Variants in CATSPERE observed in about 807,000 individuals in gnomAD.
CATSPERE encodes the protein cation channel sperm-associated auxiliary subunit epsilon.
A neutral mutation model predicts 114.1 loss-of-function variants in CATSPERE; 93 were observed. The observed-to-expected ratio is 0.81, with a 90% CI of 0.69 to 0.97. The LOEUF (loss-of-function observed/expected upper bound fraction) is 0.97. CATSPERE is among the 50% of genes least tolerant of loss of function. CATSPERE has a pLI of 0.00. For missense variants in CATSPERE, 1,058 were observed against 1,131.6 expected (o/e 0.93, Z 0.93); for synonymous variants, 341 against 384.1 (o/e 0.89, Z 1.31).
chr1:244,557,720 A>G (rs1423927004), intron 9 of CATSPERE, among the ~76,000 whole-genome samples: 1 of 150,624 alleles, frequency 6.6e-6, no homozygotes, highest in Non-Finnish European at 1.5e-5. Flanking sequence ...GTCTTTCATT[A>G]ATCTTGGAAT....
At chr1:244,522,366 C>T (rs1677716109) in intron 8 of CATSPERE, among the ~76,000 whole-genome samples, 1 of 151,998 alleles carries the variant, frequency 6.6e-6, no homozygotes, top group African/African-American at 2.4e-5. Context: ...GCACTAAATG[C>T]CCACAAGAGA....
chr1:244,495,706 C>T (rs12410641), intron 6 of CATSPERE, among the ~76,000 whole-genome samples: 12,985 of 151,940 alleles, frequency 0.085, 972 homozygotes, highest in East Asian at 0.36. Flanking sequence ...GGCGACAGAG[C>T]GAGACTCCAT....
intron 7 of CATSPERE, among the ~76,000 whole-genome samples, chr1:244,507,857 T>C (rs1367765100): frequency 2.0e-5 from 3 of 152,234 alleles, no homozygotes; most frequent in African/African-American, 7.2e-5. Flanking sequence ...AATACCATGC[T>C]GTTTTGTTTA....
rs746347941 is a variant in CATSPERE, at chr1:244,479,719, TGAA to T, written c.268_270del (p.Glu90del). On this transcript the variant is annotated inframe_deletion, in exon 5 of 22. Transcript: ENST00000366534. ...GTTTCTTTTGCATTTTCTTTTAGGA[TGAA>T]GAAGAACGCTATTTATTTGTGGAAA... 3.1e-6 allele frequency: 5 copies of T among 1,592,150 alleles called. No individual in the cohort carries two copies. The highest frequency in any genetic ancestry group is 1.3e-5 in the African/African-American group (1 of 74,376).
intron 7 of CATSPERE, among the ~76,000 whole-genome samples, chr1:244,516,713 A>T (rs1676700335): frequency 1.3e-5 from 2 of 151,966 alleles, no homozygotes; most frequent in Non-Finnish European, 2.9e-5. Flanking sequence ...GTAGAGACAG[A>T]GTTTCACCAT....
In CATSPERE at chr1:244,461,496, TAGAG is replaced by T; in HGVS notation, c.65+6_65+9del. 7.6e-7 allele frequency: 1 copy of T among 1,314,976 alleles called. No individual in the cohort carries two copies. The highest frequency in any genetic ancestry group is 2.5e-5 in the South Asian group (1 of 40,348). 81.5% of individuals were successfully genotyped at this position (1,314,976 alleles called of 1,614,324 possible). On this transcript the variant is annotated splice_donor_5th_base_variant and intron_variant, in intron 1 of 21. Coordinates refer to ENST00000366534, the MANE Select transcript of CATSPERE (RefSeq NM_001130957.2). The stretch of plus-strand genomic sequence containing the variant: ...CTGCTATGGCTCCGCCCTTTGGAGG[TAGAG>T]AGACGCCAGTCGCAGGCGAGCGACT...
chr1:244,521,613 T>G (rs947432199), intron 8 of CATSPERE, among the ~76,000 whole-genome samples: 4 of 152,184 alleles, frequency 2.6e-5, no homozygotes, highest in Non-Finnish European at 5.9e-5. Flanking sequence ...CCTCATATTG[T>G]ACATAAAAAT....
chr1:244,482,104 G>C (rs988049813), intron 5 of CATSPERE, among the ~76,000 whole-genome samples: 1 of 152,128 alleles, frequency 6.6e-6, no homozygotes, highest in African/African-American at 2.4e-5. Flanking sequence ...CTCCGTAGGG[G>C]CTAAGAGTTT....
intron 19 of CATSPERE, 42 bp downstream of exon 19, chr1:244,610,368 C>A: frequency 1.4e-6 from 2 of 1,417,426 alleles, no homozygotes; most frequent in Non-Finnish European, 2.0e-6. Flanking sequence ...TTTGGAATAA[C>A]TAATCTGGCA....
chr1:244,593,648 A>T (rs1668011847), intron 17 of CATSPERE, 70 bp downstream of exon 17: 1 of 1,247,582 alleles, frequency 8.0e-7, no homozygotes, highest in South Asian at 1.3e-5. Context: ...AAACAAGACT[A>T]ATTGATCATG....
intron 19 of CATSPERE, among the ~76,000 whole-genome samples, chr1:244,613,843 T>C (rs1052193970): frequency 9.9e-5 from 15 of 152,196 alleles, no homozygotes; most frequent in African/African-American, 3.6e-4. Context: ...GGGGAGCATT[T>C]AAGAGGTGAT....
chr1:244,535,516 G>A (rs972232516), intron 8 of CATSPERE, among the ~76,000 whole-genome samples: 9 of 152,264 alleles, frequency 5.9e-5, no homozygotes, highest in Admixed American at 3.3e-4. Flanking sequence ...CACAGACAGC[G>A]GAGTCTTTCC....
chr1:244,580,915 C>T (rs1279652838), intron 11 of CATSPERE, among the ~76,000 whole-genome samples: 4 of 151,990 alleles, frequency 2.6e-5, no homozygotes, highest in Non-Finnish European at 4.4e-5. Flanking sequence ...ACAGGAGAAT[C>T]GCTTGAACCT....
intron 1 of CATSPERE, 87 bp downstream of exon 1, chr1:244,461,581 C>A (rs1666797060): frequency 1.8e-6 from 2 of 1,119,732 alleles, no homozygotes; most frequent in Non-Finnish European, 2.3e-6. Flanking sequence ...CCACCCCATG[C>A]GCCTCGGGAC....
intron 5 of CATSPERE, among the ~76,000 whole-genome samples, chr1:244,486,097 G>A (rs1279928438): frequency 2.6e-5 from 4 of 152,122 alleles, no homozygotes; most frequent in Non-Finnish European, 4.4e-5. Flanking sequence ...TGTGAGGCCT[G>A]GTGTAAAATG....
intron 12 of CATSPERE, among the ~76,000 whole-genome samples, chr1:244,582,397 TTTTC>T (rs1666313901): frequency 1.8e-5 from 1 of 54,396 alleles, no homozygotes; most frequent in African/African-American, 8.4e-5. Context: ...AATTTTTCTT[TTTTC>T]TTTTTCTTTT....
At chr1:244,578,905 T>G (rs575390900) in intron 11 of CATSPERE, among the ~76,000 whole-genome samples, 5 of 150,580 alleles carry the variant, frequency 3.3e-5, no homozygotes, top group East Asian at 1.9e-4. Flanking sequence ...CTTTTTTTGT[T>G]TTGTTCTGTT....
At chr1:244,605,839 C>A (rs1302160021) in intron 18 of CATSPERE, 45 bp downstream of exon 18, 14 of 1,265,806 alleles carry the variant, frequency 1.1e-5, no homozygotes, top group Non-Finnish European at 1.5e-5. Flanking sequence ...TGCAACTAGA[C>A]AATGTCTTCC....
At chr1:244,470,298 T>C (rs1249491399) in intron 2 of CATSPERE, among the ~76,000 whole-genome samples, 2 of 152,174 alleles carry the variant, frequency 1.3e-5, no homozygotes, top group East Asian at 3.8e-4. Context: ...TATGGACTTG[T>C]TTTTAGATAT....
Sources: allele counts gnomAD v4.1 joint callset (sites outside exome capture counted in the v4.1 genomes callset), GRCh38; gene constraint gnomAD v4.1.1; transcripts MANE v1.5; gene names NCBI Gene and HGNC (gene_info 2026-07-23, HGNC 2026-07-21).